RIGI: variants seen among roughly 807,000 people sequenced by gnomAD.
RIGI encodes the protein antiviral innate immune response receptor RIG-I.
At chr9:32,508,673 G>T in the RIGI span, among the ~76,000 whole-genome samples, 7 of 152,070 alleles carry the variant, frequency 4.6e-5, no homozygotes, top group East Asian at 7.7e-4. Context: ...AATCTGGGTG[G>T]CCATTTGGGC....
the RIGI span, among the ~76,000 whole-genome samples, chr9:32,505,973 T>C: frequency 6.6e-5 from 10 of 152,258 alleles, no homozygotes; most frequent in Admixed American, 6.5e-4. Flanking sequence ...TCCCAGCACT[T>C]TGGGAGGCCA....
chr9:32,506,142 T>C, the RIGI span, among the ~76,000 whole-genome samples: 1 of 152,084 alleles, frequency 6.6e-6, no homozygotes, highest in Non-Finnish European at 1.5e-5. Context: ...CACTTAAACC[T>C]GGGAGGTGGA....
At chr9:32,464,244 C>T in the RIGI span, among the ~76,000 whole-genome samples, 1 of 152,212 alleles carries the variant, frequency 6.6e-6, no homozygotes, top group South Asian at 2.1e-4. Flanking sequence ...CGTTAAAACC[C>T]ATATACAGGG....
At chr9:32,487,803 A>G in the RIGI span, 1 of 1,270,404 alleles carries the variant, frequency 7.9e-7, no homozygotes, top group Non-Finnish European at 1.1e-6. Context: ...ACAAATGAAT[A>G]AAGGAAACAA....
At chr9:32,481,240 C>T in the RIGI span, 1 of 1,259,658 alleles carries the variant, frequency 7.9e-7, no homozygotes, top group Middle Eastern at 2.7e-4. Context: ...TAAGTGAGCT[C>T]TTGAGGACAG....
chr9:32,457,069 C>G, the RIGI span: 1 of 1,411,012 alleles, frequency 7.1e-7, no homozygotes, highest in Non-Finnish European at 9.9e-7. Context: ...ATGTTTGTTT[C>G]TTCTCCACTC....
chr9:32,486,453 CAAAAAAAAAAA>C, the RIGI span, among the ~76,000 whole-genome samples: 5 of 60,836 alleles, frequency 8.2e-5, no homozygotes, highest in Admixed American at 5.8e-4. Context: ...GACTCTGTCT[CAAAAAAAAAAA>C]AAAAAAAAAG....
the RIGI span, among the ~76,000 whole-genome samples, chr9:32,504,297 G>A: frequency 1.3e-5 from 2 of 152,052 alleles, no homozygotes; most frequent in Non-Finnish European, 2.9e-5. Flanking sequence ...TTCCACGGAT[G>A]GCAAAAAAAT....
At chr9:32,464,978 T>C in the RIGI span, among the ~76,000 whole-genome samples, 2 of 152,332 alleles carry the variant, frequency 1.3e-5, no homozygotes, top group East Asian at 3.9e-4. Flanking sequence ...GTCTAGCCTC[T>C]CTCTTCCTCA....
chr9:32,512,353 CA>C, the RIGI span, among the ~76,000 whole-genome samples: 4 of 152,152 alleles, frequency 2.6e-5, no homozygotes, highest in African/African-American at 9.7e-5. Flanking sequence ...AGCAGCATAT[CA>C]AAAAGCTTAT....
the RIGI span, among the ~76,000 whole-genome samples, chr9:32,502,702 G>C: frequency 6.6e-6 from 1 of 152,158 alleles, no homozygotes; most frequent in Admixed American, 6.5e-5. Flanking sequence ...TGCATTCCTT[G>C]CCCTTCCGGT....
At chr9:32,520,250 G>A in the RIGI span, among the ~76,000 whole-genome samples, 1 of 151,948 alleles carries the variant, frequency 6.6e-6, no homozygotes, top group African/African-American at 2.4e-5. Context: ...ATAAATGCAA[G>A]GAGTAACCTA....
the RIGI span, among the ~76,000 whole-genome samples, chr9:32,493,364 G>A: frequency 4.6e-5 from 7 of 152,210 alleles, no homozygotes; most frequent in African/African-American, 1.2e-4. Context: ...GGTGGCTCAC[G>A]CCTGTAATCC....
chr9:32,487,644 C>A, the RIGI span: 2 of 1,609,452 alleles, frequency 1.2e-6, no homozygotes, highest in South Asian at 1.1e-5. Context: ...CTGTAAGGAG[C>A]ATTCAAAATC....
the RIGI span, among the ~76,000 whole-genome samples, chr9:32,496,127 A>G: frequency 6.6e-6 from 1 of 152,122 alleles, no homozygotes; most frequent in Non-Finnish European, 1.5e-5. Context: ...TTTGTTGCTT[A>G]TGCTTCTGAT....
chr9:32,467,774 T>A, the RIGI span: 1 of 1,583,226 alleles, frequency 6.3e-7, no homozygotes, highest in Non-Finnish European at 8.6e-7. Flanking sequence ...CTGGTTTGGA[T>A]CATTTTGATG....
chr9:32,487,947 G>A, the RIGI span: 1 of 1,613,686 alleles, frequency 6.2e-7, no homozygotes, highest in Non-Finnish European at 8.5e-7. Flanking sequence ...GGAGATACCT[G>A]GGGCAGTGGG....
At chr9:32,456,588 A>G in the RIGI span, 3 of 155,668 alleles carry the variant, frequency 1.9e-5, no homozygotes, top group Admixed American at 6.2e-5. Context: ...AAAGACTAGA[A>G]TAGAACTAGA....
At chr9:32,521,958 T>C in the RIGI span, among the ~76,000 whole-genome samples, 27 of 152,178 alleles carry the variant, frequency 1.8e-4, no homozygotes, top group African/African-American at 6.0e-4. Flanking sequence ...TAATCAGATA[T>C]AGTCCAGAGC....
Sources: allele counts gnomAD v4.1 joint callset (sites outside exome capture counted in the v4.1 genomes callset), GRCh38; gene constraint gnomAD v4.1.1; transcripts MANE v1.5; gene names NCBI Gene and HGNC (gene_info 2026-07-23, HGNC 2026-07-21).